Variants in GPC6 observed in about 807,000 individuals in gnomAD.
The protein encoded by GPC6 is glypican-6.
GPC6 carries 14 observed loss-of-function variants against 55.2 expected under a neutral mutation model. The observed-to-expected ratio is 0.25, with a 90% CI of 0.17 to 0.40. The LOEUF (loss-of-function observed/expected upper bound fraction) is 0.40. Among genes scored for constraint, GPC6 ranks in the 10% least tolerant of loss-of-function variants. GPC6 has a pLI of 1.00. For synonymous variants in GPC6, 278 were observed against 259.6 expected (o/e 1.07, Z -0.68); for missense variants, 641 against 708.5 (o/e 0.90, Z 1.08).
rs1180385598 is a variant in GPC6, at chr13:93,676,158, TATATATATATAC to T, written c.319+130741_319+130752del. Among the ~76,000 whole-genome samples the T allele has an allele frequency of 6.3e-3, 145 of 22,982 alleles. 4 individuals carry two copies. Among genetic ancestry groups the T allele is most frequent in the African/African-American group, 0.013 (126 of 9,892 alleles). 15.1% of individuals were successfully genotyped at this position (22,982 alleles called of 152,430 possible). A position where few individuals can be genotyped will look rare whatever the true frequency, so the allele number is the denominator to read the frequency against. On this transcript the variant is annotated intron_variant, in intron 2 of 8. Coordinates refer to ENST00000377047, the MANE Select transcript of GPC6 (RefSeq NM_005708.5). The stretch of plus-strand genomic sequence containing the variant: ...ATATATATATATATATATATATATA[TATATATATATAC>T]ATACACACACACACACACACATATA...
chr13:93,765,507 G>A (rs959137340), intron 2 of GPC6, among the ~76,000 whole-genome samples: 2 of 151,894 alleles, frequency 1.3e-5, no homozygotes, highest in Admixed American at 1.3e-4. Flanking sequence ...AATGAGATGA[G>A]TTTAACTTAC....
At chr13:94,128,470 A>G (rs923935126) in intron 4 of GPC6, among the ~76,000 whole-genome samples, 1 of 152,164 alleles carries the variant, frequency 6.6e-6, no homozygotes, top group Admixed American at 6.6e-5. Flanking sequence ...TTACATGCCT[A>G]ATATGAGTCA....
In GPC6 at chr13:94,055,633, C is replaced by A. The variant is rs189207550; in HGVS notation, c.877+27739C>A. Among the ~76,000 whole-genome samples, 9 of 152,070 alleles carry A rather than the reference C, an allele frequency of 5.9e-5. 1 individual carries two copies. The highest frequency in any genetic ancestry group is 5.2e-4 in the Admixed American group (8 of 15,268). ...ATGGGTACACTTTTTAGCAAAGAAC[C>A]TTTATCACTTGGAGTCTTAGCAGTA... On this transcript the variant is annotated intron_variant, in intron 4 of 8. Coordinates refer to ENST00000377047, the MANE Select transcript of GPC6 (RefSeq NM_005708.5).
chr13:93,663,100 A>C (rs1169725656), intron 2 of GPC6, among the ~76,000 whole-genome samples: 1 of 151,044 alleles, frequency 6.6e-6, no homozygotes, highest in Admixed American at 6.6e-5. Flanking sequence ...GGTTGCAAAA[A>C]AAAAAAAAAA....
At chr13:94,074,933 A>G (rs1428765332) in intron 4 of GPC6, among the ~76,000 whole-genome samples, 1 of 152,212 alleles carries the variant, frequency 6.6e-6, no homozygotes, top group Non-Finnish European at 1.5e-5. Flanking sequence ...TCTTTCCAGA[A>G]CTGAGGTAGT....
chr13:94,304,158 G>C (rs1445298561), intron 5 of GPC6, among the ~76,000 whole-genome samples: 1 of 152,162 alleles, frequency 6.6e-6, no homozygotes. Context: ...TTATCACATC[G>C]GTTTACACCA....
intron 2 of GPC6, among the ~76,000 whole-genome samples, chr13:93,683,543 C>A (rs1881934448): frequency 6.6e-6 from 1 of 152,078 alleles, no homozygotes; most frequent in Admixed American, 6.6e-5. Context: ...CATCAAAAGG[C>A]CCAAATTCTG....
intron 4 of GPC6, among the ~76,000 whole-genome samples, chr13:94,080,148 G>A (rs1204299799): frequency 6.6e-6 from 1 of 152,094 alleles, no homozygotes; most frequent in Non-Finnish European, 1.5e-5. Flanking sequence ...ATCATCCCAG[G>A]ATTCAATTTT....
intron 1 of GPC6, among the ~76,000 whole-genome samples, chr13:93,497,101 T>A (rs973289790): frequency 7.2e-5 from 11 of 152,184 alleles, no homozygotes; most frequent in Non-Finnish European, 1.6e-4. Context: ...CTCTCTATGG[T>A]TGATTCTGTC....
intron 4 of GPC6, among the ~76,000 whole-genome samples, chr13:94,108,484 C>T (rs781502059): frequency 3.3e-5 from 5 of 152,074 alleles, no homozygotes; most frequent in Non-Finnish European, 4.4e-5. Flanking sequence ...CACTAAGGAA[C>T]TTACTCATGT....
At chr13:94,246,360 T>A (rs1594094240) in intron 4 of GPC6, among the ~76,000 whole-genome samples, 1 of 152,232 alleles carries the variant, frequency 6.6e-6, no homozygotes, top group East Asian at 1.9e-4. Context: ...GTTTTTAGTT[T>A]GATGCAGTCC....
chr13:93,417,079 C>T (rs1224156748), intron 1 of GPC6, among the ~76,000 whole-genome samples: 1 of 151,988 alleles, frequency 6.6e-6, no homozygotes, highest in Admixed American at 6.6e-5. Flanking sequence ...TTGTGTCTGT[C>T]TTATTTTAGA....
intron 4 of GPC6, among the ~76,000 whole-genome samples, chr13:94,247,274 G>A (rs1891224403): frequency 1.3e-5 from 2 of 151,948 alleles, no homozygotes; most frequent in African/African-American, 4.8e-5. Flanking sequence ...TCTACATATA[G>A]GATCACATTA....
chr13:93,376,541 G>T (rs1011815791), intron 1 of GPC6, among the ~76,000 whole-genome samples: 1 of 152,058 alleles, frequency 6.6e-6, no homozygotes, highest in African/African-American at 2.4e-5. Flanking sequence ...CTTTGGCTGT[G>T]CTTGATATAG....
chr13:93,510,997 A>G (rs9524106), intron 1 of GPC6, among the ~76,000 whole-genome samples: 97 of 44,126 alleles, frequency 2.2e-3, no homozygotes, highest in African/African-American at 5.0e-3. Flanking sequence ...GTATATATAT[A>G]TATATATATT....
chr13:94,234,786 G>A (rs990122913), intron 4 of GPC6, among the ~76,000 whole-genome samples: 4 of 152,110 alleles, frequency 2.6e-5, no homozygotes, highest in African/African-American at 9.7e-5. Flanking sequence ...CAAAAGCTGT[G>A]TGTTTTAAAA....
At chr13:93,591,697 C>A (rs1877495736) in intron 2 of GPC6, among the ~76,000 whole-genome samples, 1 of 151,938 alleles carries the variant, frequency 6.6e-6, no homozygotes, top group Non-Finnish European at 1.5e-5. Context: ...ATACAACATC[C>A]CCAGCAGGAT....
At chr13:93,438,668 A>G (rs1167274128) in intron 1 of GPC6, among the ~76,000 whole-genome samples, 2 of 152,194 alleles carry the variant, frequency 1.3e-5, no homozygotes, top group African/African-American at 2.4e-5. Context: ...GTTTCTTGAG[A>G]TGGAATCTAC....
At chr13:94,107,664 A>G (rs892116384) in intron 4 of GPC6, among the ~76,000 whole-genome samples, 11 of 151,772 alleles carry the variant, frequency 7.2e-5, no homozygotes, top group Admixed American at 1.3e-4. Flanking sequence ...GTACAACTAT[A>G]AAATATGTTA....
Sources: allele counts gnomAD v4.1 joint callset (sites outside exome capture counted in the v4.1 genomes callset), GRCh38; gene constraint gnomAD v4.1.1; transcripts MANE v1.5; gene names NCBI Gene and HGNC (gene_info 2026-07-23, HGNC 2026-07-21).